The following WDR49 variants were observed in gnomAD, a reference collection of about 807,000 sequenced individuals.
The protein encoded by WDR49 is WD repeat domain 49, also known as cilia- and flagella-associated protein 337.
A neutral mutation model predicts 119.5 loss-of-function variants in WDR49; 107 were observed. The observed-to-expected ratio is 0.90, with a 90% CI of 0.77 to 1.05. WDR49 has a LOEUF of 1.05. Among genes scored for constraint, WDR49 ranks in the 50% least tolerant of loss-of-function variants. The pLI is 0.00. For missense variants in WDR49, 1,240 were observed against 1,220.5 expected (o/e 1.02, Z -0.24); for synonymous variants, 425 against 418.8 (o/e 1.01, Z -0.18).
intron 7 of WDR49, among the ~76,000 whole-genome samples, chr3:167,579,601 T>C (rs370897079): frequency 6.6e-6 from 1 of 152,060 alleles, no homozygotes; most frequent in Non-Finnish European, 1.5e-5. Context: ...ATAGAGAAAA[T>C]TGGGTTTTCT....
At chr3:167,598,990 G>C (rs748471130) in intron 7 of WDR49, among the ~76,000 whole-genome samples, 1 of 152,114 alleles carries the variant, frequency 6.6e-6, no homozygotes, top group Non-Finnish European at 1.5e-5. Flanking sequence ...AGTGACACAG[G>C]CACTTATGTG....
intron 2 of WDR49, among the ~76,000 whole-genome samples, chr3:167,640,298 T>C (rs1417819762): frequency 6.6e-6 from 1 of 151,850 alleles, no homozygotes; most frequent in Admixed American, 6.6e-5. Context: ...TGTTCTCTAT[T>C]GACTCCTTTT....
chr3:167,512,241 C>T (rs1332331714), intron 16 of WDR49, among the ~76,000 whole-genome samples: 1 of 152,094 alleles, frequency 6.6e-6, no homozygotes, highest in Non-Finnish European at 1.5e-5. Flanking sequence ...GATGGATCTC[C>T]CAGGGGAAGG....
At chr3:167,642,125 T>C (rs1559929634) in intron 2 of WDR49, among the ~76,000 whole-genome samples, 1 of 151,886 alleles carries the variant, frequency 6.6e-6, no homozygotes, top group South Asian at 2.1e-4. Flanking sequence ...AAATGTTTCA[T>C]ATAGTCAACA....
chr3:167,553,407 T>C lies in WDR49; in HGVS notation c.1823+1243A>G, dbSNP rs114216948. On this transcript the variant is annotated intron_variant, in intron 10 of 18. Coordinates refer to ENST00000682715, the MANE Select transcript of WDR49 (RefSeq NM_001366157.1). ...TTCCTTTAAACCACTTTTAGGTGAC[T>C]CTACATCTAATCTTTCTAATTTTCC... Among the ~76,000 whole-genome samples, 628 of 152,226 alleles carry C rather than the reference T, an allele frequency of 4.1e-3. 2 individuals carry two copies. Among genetic ancestry groups the C allele is most frequent in the African/African-American group, 0.015 (604 of 41,568 alleles).
At chr3:167,492,520 A>G (rs1289015132) in intron 18 of WDR49, among the ~76,000 whole-genome samples, 1 of 152,148 alleles carries the variant, frequency 6.6e-6, no homozygotes, top group Non-Finnish European at 1.5e-5. Context: ...TAGTGGAATA[A>G]TAATACAGGG....
chr3:167,579,931 G>A (rs757986066), intron 7 of WDR49, among the ~76,000 whole-genome samples: 1 of 151,972 alleles, frequency 6.6e-6, no homozygotes, highest in African/African-American at 2.4e-5. Context: ...ATAATATAGG[G>A]TATAGTTGAA....
intron 3 of WDR49, 94 bp downstream of exon 3, chr3:167,626,758 G>C (rs1717143510): frequency 9.8e-7 from 1 of 1,017,878 alleles, no homozygotes; most frequent in Non-Finnish European, 1.3e-6. Flanking sequence ...GCCACCAAGA[G>C]TAATGCAGCT....
At chr3:167,483,821 G>A (rs1383112229) in intron 18 of WDR49, among the ~76,000 whole-genome samples, 1 of 151,990 alleles carries the variant, frequency 6.6e-6, no homozygotes, top group Non-Finnish European at 1.5e-5. Context: ...AATACTCAAA[G>A]GGTCTTTATA....
chr3:167,535,016 G>T (rs187593714), intron 11 of WDR49, among the ~76,000 whole-genome samples: 2 of 152,180 alleles, frequency 1.3e-5, no homozygotes. Flanking sequence ...CTTATTGTGT[G>T]CTGAGCACTG....
intron 16 of WDR49, among the ~76,000 whole-genome samples, chr3:167,512,647 G>A (rs539793028): frequency 1.3e-5 from 2 of 152,248 alleles, no homozygotes; most frequent in East Asian, 3.9e-4. Context: ...TCAGAAGGTG[G>A]GTAATAAACT....
chr3:167,550,961 C>T (rs1712523416), intron 10 of WDR49, among the ~76,000 whole-genome samples: 1 of 151,686 alleles, frequency 6.6e-6, no homozygotes, highest in South Asian at 2.1e-4. Flanking sequence ...ATAAATATGG[C>T]CACAGATTCA....
At chr3:167,574,819 C>G (rs551891433) in intron 8 of WDR49, among the ~76,000 whole-genome samples, 2 of 152,310 alleles carry the variant, frequency 1.3e-5, no homozygotes, top group South Asian at 4.1e-4. Flanking sequence ...AAATACATCT[C>G]TCAGTGGCCA....
chr3:167,557,599 A>G (rs1305275339), intron 9 of WDR49, among the ~76,000 whole-genome samples: 1 of 152,000 alleles, frequency 6.6e-6, no homozygotes, highest in Non-Finnish European at 1.5e-5. Context: ...TAAAAATACA[A>G]AAAATTAGCC....
At chr3:167,522,933 T>C (rs1392549034) in intron 15 of WDR49, among the ~76,000 whole-genome samples, 1 of 152,206 alleles carries the variant, frequency 6.6e-6, no homozygotes, top group Non-Finnish European at 1.5e-5. Flanking sequence ...CTAAAAATTA[T>C]GTGTGTTATA....
intron 5 of WDR49, among the ~76,000 whole-genome samples, chr3:167,607,836 G>A (rs1370481520): frequency 6.6e-6 from 1 of 152,074 alleles, no homozygotes; most frequent in African/African-American, 2.4e-5. Flanking sequence ...CACGGGAACA[G>A]TATTTCTATG....
At chr3:167,588,174 G>T (rs532097693) in intron 7 of WDR49, among the ~76,000 whole-genome samples, 2 of 151,650 alleles carry the variant, frequency 1.3e-5, no homozygotes, top group Non-Finnish European at 2.9e-5. Flanking sequence ...TTAATTTTTA[G>T]CTCCCACAAA....
At chr3:167,637,189 C>A (rs1053022714) in intron 2 of WDR49, among the ~76,000 whole-genome samples, 2 of 151,684 alleles carry the variant, frequency 1.3e-5, no homozygotes, top group African/African-American at 4.8e-5. Flanking sequence ...ACATGAGAAC[C>A]CAGTTTCATT....
rs376239633 is a variant in WDR49 at position 167,585,872 on chromosome 3, C to G, written c.1276-9721G>C. ...GAAATGGATTTGAAGGGGAAATGAT[C>G]ATAAGGAATATTTACTTTTTGCACT... On this transcript the variant is annotated intron_variant, in intron 7 of 18. Transcript: ENST00000682715. Among the ~76,000 whole-genome samples the G allele has an allele frequency of 3.3e-5, 5 of 152,028 alleles. No homozygotes were observed. In the East Asian group the frequency reaches 9.7e-4, roughly 29 times the overall value.
Sources: gnomAD v4.1 joint callset for allele counts (sites outside exome capture counted in the v4.1 genomes callset) on GRCh38, gnomAD v4.1.1 for gene constraint, MANE v1.5 for transcripts, NCBI Gene and HGNC (gene_info 2026-07-23, HGNC 2026-07-21) for gene names.